Variants in SETDB2 observed in about 807,000 individuals in gnomAD.
SETDB2 encodes the protein SET domain bifurcated histone lysine methyltransferase 2, also known as histone-lysine N-methyltransferase SETDB2.
A neutral mutation model predicts 82.5 loss-of-function variants in SETDB2; 56 were observed. The observed-to-expected ratio is 0.68, with a 90% CI of 0.55 to 0.85. The LOEUF (loss-of-function observed/expected upper bound fraction) is 0.85. Ranked by LOEUF, SETDB2 falls within the 40% of genes least tolerant of loss-of-function variation. SETDB2 has a pLI of 0.00. For missense variants in SETDB2, 677 were observed against 816.4 expected (o/e 0.83, Z 2.08); for synonymous variants, 272 against 284.9 (o/e 0.95, Z 0.46).
chr13:49,479,369 C>T (rs566225617), intron 6 of SETDB2, among the ~76,000 whole-genome samples: 1 of 152,246 alleles, frequency 6.6e-6, no homozygotes, highest in African/African-American at 2.4e-5. Flanking sequence ...AAACTTTGCA[C>T]ACAAAATCAC....
chr13:49,456,153 T>G (rs1225309824), intron 2 of SETDB2, among the ~76,000 whole-genome samples: 1 of 152,170 alleles, frequency 6.6e-6, no homozygotes, highest in Non-Finnish European at 1.5e-5. Flanking sequence ...GACCACATTT[T>G]GCTAATTACA....
intron 10 of SETDB2, among the ~76,000 whole-genome samples, chr13:49,485,120 G>C (rs1048333813): frequency 1.3e-5 from 2 of 152,200 alleles, no homozygotes; most frequent in African/African-American, 2.4e-5. Context: ...TGAATACTTA[G>C]TTGGTTGCCA....
chr13:49,460,348 T>C (rs370563681), intron 3 of SETDB2, 116 bp downstream of exon 3: 1 of 1,073,332 alleles, frequency 9.3e-7, no homozygotes. Context: ...GTAATTACTT[T>C]TGAATAATAC....
intron 5 of SETDB2, among the ~76,000 whole-genome samples, chr13:49,473,595 G>T (rs905658839): frequency 7.4e-5 from 11 of 148,682 alleles, no homozygotes; most frequent in Admixed American, 6.7e-5. Flanking sequence ...AATGTCAAAT[G>T]ACATTTACAG....
chr13:49,460,254 G>T, intron 3 of SETDB2, 22 bp downstream of exon 3: 2 of 1,607,520 alleles, frequency 1.2e-6, no homozygotes, highest in South Asian at 2.2e-5. Context: ...TAAAAACTTT[G>T]AATATGTTTA....
At position 49,492,039 on chromosome 13, in the gene SETDB2, A is replaced by G. The variant is rs1566179318; in HGVS notation, c.*190A>G. 1 of 623,524 alleles carries G rather than the reference A, an allele frequency of 1.6e-6. No individual in the cohort carries two copies. The highest frequency in any genetic ancestry group is 1.6e-5 in the South Asian group (1 of 62,058). The allele number at this position is 623,524 out of a possible 1,614,324, so 38.6% of individuals were successfully genotyped here. A position where few individuals can be genotyped will look rare whatever the true frequency, so the allele number is the denominator to read the frequency against. On this transcript the variant is annotated 3_prime_UTR_variant, in exon 14 of 14. Transcript: ENST00000611815. Reference sequence around the variant, plus strand: ...ACAATTAGGATATTTTCATACACATAGGGTATCTTGTTCACTGCTGTGCTA... The same window carrying G: ...ACAATTAGGATATTTTCATACACATGGGGTATCTTGTTCACTGCTGTGCTA...
At chr13:49,488,165 C>G in intron 11 of SETDB2, 125 bp from the exon 12 acceptor site, 1 of 1,321,328 alleles carries the variant, frequency 7.6e-7, no homozygotes, top group Non-Finnish European at 9.9e-7. Context: ...TAAAATAATA[C>G]TACCTGCCTA....
At chr13:49,463,869 CT>C in intron 4 of SETDB2, 1 of 619,228 alleles carries the variant, frequency 1.6e-6, no homozygotes, top group Non-Finnish European at 2.9e-6. Context: ...GAGCACATTC[CT>C]TTGTGTCCTG....
At chr13:49,461,046 C>A in intron 3 of SETDB2, 51 bp from the exon 4 acceptor site, 1 of 1,369,620 alleles carries the variant, frequency 7.3e-7, no homozygotes, top group Non-Finnish European at 1.0e-6. Flanking sequence ...AGCACAGTAG[C>A]TGGCACCATA....
intron 4 of SETDB2, among the ~76,000 whole-genome samples, chr13:49,466,862 C>G (rs187822436): frequency 1.0e-3 from 132 of 127,354 alleles, no homozygotes; most frequent in Non-Finnish European, 1.7e-3. Context: ...TGTTCTGTTG[C>G]TCAGGGGGGC....
chr13:49,488,716 T>C, intron 12 of SETDB2, 86 bp downstream of exon 12: 1 of 1,120,284 alleles, frequency 8.9e-7, no homozygotes, highest in Non-Finnish European at 1.3e-6. Context: ...ATAAACAGAC[T>C]CTAAAGTCAG....
chr13:49,451,920 G>A lies in SETDB2; in HGVS notation c.16+11G>A. ...TGGGAGAAAAAAATGGTAGGTTGAA[G>A]AACACACTGTTACACTTTATATCTA... On this transcript the variant is annotated intron_variant, in intron 2 of 13. Transcript: ENST00000611815. 1.3e-6 allele frequency: 2 copies of A among 1,581,760 alleles called. No individual in the cohort carries two copies. Among genetic ancestry groups the A allele is most frequent in the Non-Finnish European group, 1.7e-6 (2 of 1,157,594 alleles).
intron 2 of SETDB2, among the ~76,000 whole-genome samples, chr13:49,458,965 G>C (rs9562882): frequency 0.043 from 6,478 of 152,290 alleles, 215 homozygotes; most frequent in East Asian, 0.17. Flanking sequence ...TCGATGTCAT[G>C]CCCTACCTGC....
intron 12 of SETDB2, chr13:49,489,473 T>C (rs1259131680): frequency 1.3e-5 from 2 of 150,672 alleles, no homozygotes; most frequent in African/African-American, 2.4e-5. Flanking sequence ...CATCTTCATA[T>C]TAAACTTACT....
intron 5 of SETDB2, among the ~76,000 whole-genome samples, chr13:49,472,806 C>G (rs1290693751): frequency 6.6e-6 from 1 of 152,158 alleles, no homozygotes; most frequent in Non-Finnish European, 1.5e-5. Flanking sequence ...TCTCCTCCCA[C>G]TCCTCCCTAA....
At chr13:49,480,160 G>A in intron 6 of SETDB2, 59 bp from the exon 7 acceptor site, 1 of 1,065,056 alleles carries the variant, frequency 9.4e-7, no homozygotes, top group Non-Finnish European at 1.4e-6. Flanking sequence ...TATCAAGACA[G>A]TCTCTTGACT....
intron 6 of SETDB2, among the ~76,000 whole-genome samples, chr13:49,479,225 A>G (rs979537247): frequency 5.6e-4 from 61 of 108,514 alleles, no homozygotes; most frequent in Non-Finnish European, 8.9e-4. Context: ...AAGACCATAT[A>G]TATGTGGTGT....
intron 4 of SETDB2, among the ~76,000 whole-genome samples, chr13:49,461,923 C>T (rs936012855): frequency 6.6e-6 from 1 of 152,122 alleles, no homozygotes; most frequent in Non-Finnish European, 1.5e-5. Context: ...ATAGAACTCA[C>T]AGAAGTATTT....
chr13:49,480,167 G>C, intron 6 of SETDB2, 52 bp from the exon 7 acceptor site: 1 of 1,175,998 alleles, frequency 8.5e-7, no homozygotes, highest in Non-Finnish European at 1.2e-6. Flanking sequence ...ACAGTCTCTT[G>C]ACTTGACTTG....
Sources: allele counts gnomAD v4.1 joint callset (sites outside exome capture counted in the v4.1 genomes callset), GRCh38; gene constraint gnomAD v4.1.1; transcripts MANE v1.5; gene names NCBI Gene and HGNC (gene_info 2026-07-23, HGNC 2026-07-21).